Variants in ARL8B observed in about 807,000 individuals in gnomAD.
The protein encoded by ARL8B is ADP-ribosylation factor-like protein 8B.
In ARL8B, 9 loss-of-function variants were observed where a neutral mutation model predicts 30.6. That is an observed-to-expected ratio of 0.29 (90% CI 0.18 to 0.51). The LOEUF (loss-of-function observed/expected upper bound fraction) is 0.51. Among genes scored for constraint, ARL8B ranks in the 20% least tolerant of loss-of-function variants. The probability of loss-of-function intolerance (pLI) is 0.97; values close to 1 mark genes in which losing one functional copy is unlikely to be tolerated. For missense variants in ARL8B, 130 were observed against 227.2 expected, an observed-to-expected ratio of 0.57 and a Z score of 2.75; for synonymous variants, 74 against 76.0, an observed-to-expected ratio of 0.97 and a Z score of 0.14.
At chr3:5,172,357 A>G (rs1437619441) in intron 3 of ARL8B, 134 bp downstream of exon 3, 2 of 781,048 alleles carry the variant, frequency 2.6e-6, no homozygotes, top group East Asian at 5.0e-5. Context: ...ATCCTAGTGT[A>G]ATTCCCAACA....
chr3:5,145,760 A>G (rs1170580113), intron 1 of ARL8B, among the ~76,000 whole-genome samples: 4 of 152,216 alleles, frequency 2.6e-5, no homozygotes, highest in African/African-American at 9.6e-5. Context: ...GACTTAATCT[A>G]TAACCTACAA....
At chr3:5,135,756 CTATTAT>C (rs111824873) in intron 1 of ARL8B, among the ~76,000 whole-genome samples, 1,505 of 126,898 alleles carry the variant, frequency 0.012, 17 homozygotes, top group Admixed American at 0.035. Context: ...CGCACCTGGC[CTATTAT>C]TATTATTATT....
At chr3:5,131,744 T>C (rs1447162949) in intron 1 of ARL8B, among the ~76,000 whole-genome samples, 1 of 152,236 alleles carries the variant, frequency 6.6e-6, no homozygotes, top group Non-Finnish European at 1.5e-5. Context: ...TTAACCCTTA[T>C]ATGAATATTT....
At chr3:5,137,483 G>A (rs987428393) in intron 1 of ARL8B, among the ~76,000 whole-genome samples, 12 of 149,018 alleles carry the variant, frequency 8.1e-5, no homozygotes, top group Admixed American at 6.7e-5. Flanking sequence ...TATCACCCAG[G>A]CTGGAGTTCA....
chr3:5,164,975 T>C (rs992168334), intron 1 of ARL8B, among the ~76,000 whole-genome samples: 1 of 152,254 alleles, frequency 6.6e-6, no homozygotes. Flanking sequence ...GATTCTGTTA[T>C]ATATTCTCAG....
chr3:5,149,823 C>T (rs909000544), intron 1 of ARL8B, among the ~76,000 whole-genome samples: 2 of 152,142 alleles, frequency 1.3e-5, no homozygotes, highest in Non-Finnish European at 1.5e-5. Flanking sequence ...TTCTCACACC[C>T]CTAATCCCTA....
chr3:5,134,521 G>A (rs944976344), intron 1 of ARL8B, among the ~76,000 whole-genome samples: 1 of 152,216 alleles, frequency 6.6e-6, no homozygotes, highest in Non-Finnish European at 1.5e-5. Context: ...TTTTCTAGGT[G>A]TGATTTGTGT....
chr3:5,174,231 T>C (rs1258665058), intron 5 of ARL8B, 113 bp from the exon 6 acceptor site: 7 of 1,071,230 alleles, frequency 6.5e-6, no homozygotes, highest in South Asian at 1.4e-5. Flanking sequence ...CATTTTAGGA[T>C]TGCTACGATG....
rs570656727 is a variant in ARL8B, at chr3:5,146,213, A to G, written c.123+23625A>G. Among the ~76,000 whole-genome samples, 131 of 152,344 alleles carry G rather than the reference A, an allele frequency of 8.6e-4. 1 individual carries two copies. Among genetic ancestry groups the G allele is most frequent in the African/African-American group, 3.1e-3 (129 of 41,574 alleles). On this transcript the variant is annotated intron_variant, in intron 1 of 6. Coordinates refer to ENST00000256496, the MANE Select transcript of ARL8B (RefSeq NM_018184.3). ...TCCCTGCTCCTAAGGTCTAGGGGAC[A>G]TGCCCAGAATGCATCTTTTAGATCT...
At position 5,141,294 on chromosome 3, in the gene ARL8B, CT is replaced by C. The variant is rs1424608166; in HGVS notation, c.123+18710del. Among the ~76,000 whole-genome samples the C allele has an allele frequency of 3.3e-5, 5 of 152,304 alleles. No individual in the cohort carries two copies. In the East Asian group the frequency reaches 9.6e-4, roughly 29 times the overall value. ...AAATGTTTTCTCACAAATTTCCTTCCTTTTCTATTTACTTCCTTTGGTCTCA... is the reference window on the plus strand; with the variant it reads ...AAATGTTTTCTCACAAATTTCCTTCCTTTCTATTTACTTCCTTTGGTCTCA... On this transcript the variant is annotated intron_variant, in intron 1 of 6. Transcript: ENST00000256496.
At chr3:5,165,998 T>G (rs2054620471) in intron 1 of ARL8B, among the ~76,000 whole-genome samples, 1 of 152,082 alleles carries the variant, frequency 6.6e-6, no homozygotes, top group African/African-American at 2.4e-5. Context: ...TTACAAAGAA[T>G]AGTTGCACCC....
At chr3:5,125,423 C>G (rs1453941355) in intron 1 of ARL8B, among the ~76,000 whole-genome samples, 2 of 151,954 alleles carry the variant, frequency 1.3e-5, no homozygotes, top group Non-Finnish European at 1.5e-5. Context: ...GGAAAGTAAT[C>G]GCATCATGTG....
intron 3 of ARL8B, 46 bp from the exon 4 acceptor site, chr3:5,172,601 C>A: frequency 2.4e-6 from 3 of 1,245,242 alleles, no homozygotes; most frequent in Non-Finnish European, 3.5e-6. Flanking sequence ...TTGTCATCAT[C>A]AAGGCATACA....
chr3:5,141,118 A>G (rs1236041930), intron 1 of ARL8B, among the ~76,000 whole-genome samples: 2 of 152,178 alleles, frequency 1.3e-5, no homozygotes, highest in African/African-American at 4.8e-5. Context: ...TTTCCCAATA[A>G]TGAAACTTTC....
At chr3:5,149,878 A>G (rs1267225928) in intron 1 of ARL8B, among the ~76,000 whole-genome samples, 1 of 152,238 alleles carries the variant, frequency 6.6e-6, no homozygotes, top group Non-Finnish European at 1.5e-5. Context: ...CATTCAGCAC[A>G]TGATAGATGT....
intron 1 of ARL8B, among the ~76,000 whole-genome samples, chr3:5,129,355 T>C (rs2054261136): frequency 6.6e-6 from 1 of 152,138 alleles, no homozygotes; most frequent in African/African-American, 2.4e-5. Flanking sequence ...TGAGCAGATT[T>C]CATATATAAA....
chr3:5,127,872 C>CA (rs748657502), intron 1 of ARL8B, among the ~76,000 whole-genome samples: 1,558 of 10,572 alleles, frequency 0.15, 592 homozygotes, highest in East Asian at 0.23. Context: ...GACTCCGTCT[C>CA]AAAAAAAAAA....
chr3:5,132,527 C>A (rs1410820745), intron 1 of ARL8B, among the ~76,000 whole-genome samples: 1 of 152,214 alleles, frequency 6.6e-6, no homozygotes, highest in Non-Finnish European at 1.5e-5. Flanking sequence ...GCGTGAGCCA[C>A]TGCGCCCGGC....
At chr3:5,168,477 C>T (rs1160217578) in intron 1 of ARL8B, among the ~76,000 whole-genome samples, 1 of 152,156 alleles carries the variant, frequency 6.6e-6, no homozygotes, top group African/African-American at 2.4e-5. Flanking sequence ...TCGGTTTTTG[C>T]ATGTTAGCAG....
Sources: gnomAD v4.1 joint callset for allele counts (sites outside exome capture counted in the v4.1 genomes callset) on GRCh38, gnomAD v4.1.1 for gene constraint, MANE v1.5 for transcripts, NCBI Gene and HGNC (gene_info 2026-07-23, HGNC 2026-07-21) for gene names.